EPM2A: variants seen among roughly 807,000 people sequenced by gnomAD.
EPM2A encodes the protein EPM2A glucan phosphatase, laforin, also known as laforin.
A neutral mutation model predicts 26.5 loss-of-function variants in EPM2A; 21 were observed. The ratio of observed to expected loss-of-function variants is 0.79; its 90% CI spans 0.56 to 1.14. The LOEUF is 1.14. Among genes scored for constraint, EPM2A ranks in the 50% most tolerant of loss-of-function variants. The pLI, the probability that EPM2A is intolerant of heterozygous loss-of-function variation, is 0.00. For missense variants in EPM2A, 458 were observed against 440.8 expected (o/e 1.04, Z -0.35); for synonymous variants, 217 against 177.6 (o/e 1.22, Z -1.76).
At chr6:145,610,168 C>T (rs990903357) in intron 2 of EPM2A, among the ~76,000 whole-genome samples, 2 of 150,616 alleles carry the variant, frequency 1.3e-5, no homozygotes, top group East Asian at 1.9e-4. Context: ...GAGCCAAGAT[C>T]GTGCCACTGC....
chr6:145,591,262 G>A (rs1179330558), intron 2 of EPM2A, among the ~76,000 whole-genome samples: 4 of 151,516 alleles, frequency 2.6e-5, no homozygotes, highest in African/African-American at 9.7e-5. Flanking sequence ...GAGAAGAAAG[G>A]CAAAATAAAT....
chr6:145,592,900 C>A (rs12530460), intron 2 of EPM2A, among the ~76,000 whole-genome samples: 5,017 of 152,076 alleles, frequency 0.033, 187 homozygotes, highest in East Asian at 0.17. Context: ...ATATAAATAA[C>A]AAGCTGTAAT....
intron 1 of EPM2A, among the ~76,000 whole-genome samples, chr6:145,731,233 A>G (rs1776469791): frequency 6.6e-6 from 1 of 152,212 alleles, no homozygotes; most frequent in African/African-American, 2.4e-5. Flanking sequence ...AAATCTGCCA[A>G]ATTACACAGT....
At chr6:145,417,825 G>A (rs1778729616) in intron 4 of EPM2A, among the ~76,000 whole-genome samples, 1 of 151,942 alleles carries the variant, frequency 6.6e-6, no homozygotes, top group Non-Finnish European at 1.5e-5. Flanking sequence ...AACCTTCTAG[G>A]CTGTGTATGG....
intron 1 of EPM2A, among the ~76,000 whole-genome samples, chr6:145,704,413 T>G (rs1357637625): frequency 6.6e-6 from 1 of 152,228 alleles, no homozygotes; most frequent in Non-Finnish European, 1.5e-5. Flanking sequence ...GTATTCAAAT[T>G]TGAAAAGATT....
intron 2 of EPM2A, among the ~76,000 whole-genome samples, chr6:145,584,016 G>T (rs1582875080): frequency 6.6e-6 from 1 of 152,210 alleles, no homozygotes; most frequent in African/African-American, 2.4e-5. Context: ...GCAGGAGTGG[G>T]TGGGGCAGCA....
At chr6:145,624,110 T>C (rs2128554311), downstream of EPM2A, among the ~76,000 whole-genome samples, 1 of 152,306 alleles carries the variant, frequency 6.6e-6, no homozygotes, top group South Asian at 2.1e-4. Flanking sequence ...TCTCATCTTC[T>C]ATCAGTTTTC....
At position 145,518,043 on chromosome 6, in the gene EPM2A, C is replaced by T. The variant is rs184600416; in HGVS notation, c.341-15468G>A. 1.2e-3 allele frequency among the ~76,000 whole-genome samples: 178 copies of T among 152,280 alleles called. 3 individuals are homozygous for T. Among genetic ancestry groups the T allele is most frequent in the Admixed American group, 0.011 (165 of 15,298 alleles). The stretch of plus-strand genomic sequence containing the variant: ...TGTTATCACCATGTAGCCATAAAGC[C>T]TATAAACTCTAACACTAATGCAATG... On this transcript the variant is annotated intron_variant, in intron 2 of 3. Coordinates refer to the EPM2A transcript ENST00000450221.
chr6:145,606,183 T>G (rs1775253446), intron 2 of EPM2A, among the ~76,000 whole-genome samples: 2 of 151,896 alleles, frequency 1.3e-5, no homozygotes, highest in African/African-American at 4.8e-5. Context: ...ACAATTGCTA[T>G]GGTTCTTGTA....
chr6:145,546,294 G>A (rs1163195966), intron 2 of EPM2A, among the ~76,000 whole-genome samples: 1 of 152,116 alleles, frequency 6.6e-6, no homozygotes, highest in Non-Finnish European at 1.5e-5. Context: ...ATATTTGAAG[G>A]TGGAAGAAGA....
chr6:145,534,005 T>A (rs1466176080), intron 2 of EPM2A, among the ~76,000 whole-genome samples: 1 of 152,182 alleles, frequency 6.6e-6, no homozygotes, highest in African/African-American at 2.4e-5. Context: ...AAAGCCTTTG[T>A]CAAGAGGAGT....
chr6:145,519,267 A>T (rs929092819), intron 2 of EPM2A, among the ~76,000 whole-genome samples: 9 of 152,174 alleles, frequency 5.9e-5, no homozygotes, highest in African/African-American at 2.2e-4. Context: ...ATTTCAGAGA[A>T]GGGAGAAACC....
intron 2 of EPM2A, among the ~76,000 whole-genome samples, chr6:145,619,807 T>C (rs1775593325): frequency 6.6e-6 from 1 of 152,154 alleles, no homozygotes; most frequent in Non-Finnish European, 1.5e-5. Context: ...GAAGGAAGTA[T>C]AAATACCAGT....
intron 2 of EPM2A, among the ~76,000 whole-genome samples, chr6:145,615,387 T>A (rs1283688914): frequency 6.6e-6 from 1 of 152,186 alleles, no homozygotes; most frequent in African/African-American, 2.4e-5. Flanking sequence ...CACATGGAAC[T>A]GTAAGTCCAT....
At chr6:145,514,091 C>A (rs553253629) in intron 2 of EPM2A, among the ~76,000 whole-genome samples, 1 of 152,312 alleles carries the variant, frequency 6.6e-6, no homozygotes, top group East Asian at 1.9e-4. Context: ...CATATGATTT[C>A]TCTTCAAAGC....
chr6:145,493,512 T>C (rs947920912), intron 4 of EPM2A, among the ~76,000 whole-genome samples: 3 of 152,362 alleles, frequency 2.0e-5, no homozygotes, highest in Non-Finnish European at 4.4e-5. Flanking sequence ...TGGCTAGAAC[T>C]TCCAATACAA....
intron 4 of EPM2A, among the ~76,000 whole-genome samples, chr6:145,473,778 G>A (rs1483263548): frequency 1.3e-5 from 2 of 152,126 alleles, no homozygotes; most frequent in African/African-American, 4.8e-5. Context: ...AATGCTGAAG[G>A]AAAAGAACTT....
At chr6:145,459,284 G>A (rs1324784145) in intron 4 of EPM2A, among the ~76,000 whole-genome samples, 1 of 152,292 alleles carries the variant, frequency 6.6e-6, no homozygotes, top group South Asian at 2.1e-4. Flanking sequence ...GTTGAGAAGA[G>A]GGCTCAGAAG....
intron 1 of EPM2A, among the ~76,000 whole-genome samples, chr6:145,717,860 C>A (rs1156315800): frequency 1.3e-5 from 2 of 151,530 alleles, no homozygotes; most frequent in African/African-American, 4.9e-5. Flanking sequence ...AGTGAACTCC[C>A]ATTCACAATT....
Sources: gnomAD v4.1 joint callset for allele counts (sites outside exome capture counted in the v4.1 genomes callset) on GRCh38, gnomAD v4.1.1 for gene constraint, MANE v1.5 for transcripts, NCBI Gene and HGNC (gene_info 2026-07-23, HGNC 2026-07-21) for gene names.